Variants in RBMS1 observed in about 807,000 individuals in gnomAD.
RBMS1 encodes RNA-binding motif, single-stranded-interacting protein 1.
Under a neutral mutation model 62.3 loss-of-function variants are expected in RBMS1, and 17 were observed. That is an observed-to-expected ratio of 0.27 (90% confidence interval 0.19 to 0.41). The LOEUF (loss-of-function observed/expected upper bound fraction) is 0.41. Ranked by LOEUF, RBMS1 falls within the 10% of genes least tolerant of loss-of-function variation. RBMS1 has a pLI of 1.00. For synonymous variants in RBMS1, 172 were observed against 170.0 expected (o/e 1.01, Z -0.09); for missense variants, 334 against 504.5 (o/e 0.66, Z 3.24).
intron 1 of RBMS1, among the ~76,000 whole-genome samples, chr2:160,435,171 A>T (rs1683061369): frequency 6.6e-6 from 1 of 152,186 alleles, no homozygotes; most frequent in African/African-American, 2.4e-5. Context: ...CTACACCTTA[A>T]CTAAATAACC....
At chr2:160,280,724 T>C (rs1010000559) in intron 10 of RBMS1, among the ~76,000 whole-genome samples, 1 of 152,198 alleles carries the variant, frequency 6.6e-6, no homozygotes, top group African/African-American at 2.4e-5. Flanking sequence ...TATGTATTTT[T>C]AAATTTTCAA....
At chr2:160,441,098 A>G (rs75701638) in intron 1 of RBMS1, among the ~76,000 whole-genome samples, 8,507 of 152,250 alleles carry the variant, frequency 0.056, 320 homozygotes, top group Non-Finnish European at 0.085. Context: ...CAGTATCTGG[A>G]TTTCATGTAG....
chr2:160,422,200 T>A (rs1470063928), intron 1 of RBMS1, among the ~76,000 whole-genome samples: 1 of 152,260 alleles, frequency 6.6e-6, no homozygotes, highest in Non-Finnish European at 1.5e-5. Context: ...CTTCTTCTAA[T>A]GCCCACCTTT....
intron 1 of RBMS1, among the ~76,000 whole-genome samples, chr2:160,452,509 AT>A (rs2105320956): frequency 6.6e-6 from 1 of 152,290 alleles, no homozygotes; most frequent in East Asian, 1.9e-4. Context: ...GTTATACTAT[AT>A]TTTTTGTTGT....
chr2:160,366,544 T>C (rs949493270), intron 2 of RBMS1, among the ~76,000 whole-genome samples: 12 of 152,374 alleles, frequency 7.9e-5, no homozygotes, highest in African/African-American at 2.9e-4. Context: ...GTTTTAAAAT[T>C]AGTGCTTTCT....
chr2:160,427,956 T>G (rs929183058), intron 1 of RBMS1, among the ~76,000 whole-genome samples: 5 of 152,176 alleles, frequency 3.3e-5, no homozygotes, highest in Non-Finnish European at 7.3e-5. Flanking sequence ...TCACTTTCAT[T>G]ATTTCAAATC....
chr2:160,465,911 A>G (rs1007871435), intron 1 of RBMS1, among the ~76,000 whole-genome samples: 2 of 138,704 alleles, frequency 1.4e-5, no homozygotes, highest in African/African-American at 2.6e-5. Flanking sequence ...TAGAATTTCA[A>G]TCTTTACATA....
At chr2:160,455,969 C>T (rs1232838873) in intron 1 of RBMS1, among the ~76,000 whole-genome samples, 1 of 151,932 alleles carries the variant, frequency 6.6e-6, no homozygotes, top group African/African-American at 2.4e-5. Flanking sequence ...AGGCGTGAGC[C>T]ACCGCGCCCG....
Position 160,298,313 on chromosome 2 carries a change from A to AG in RBMS1, c.640+2337dup, listed in dbSNP as rs371404283. Among the ~76,000 whole-genome samples the AG allele has an allele frequency of 5.1e-3, 780 of 152,198 alleles. 6 individuals carry two copies. Among genetic ancestry groups the AG allele is most frequent in the African/African-American group, 0.018 (728 of 41,520 alleles). ...GCAGAATTAGATGGGAAGTGAGGTA[A>AG]GGGGGACTAGTGTAGTTCTGGAGAG... On this transcript the variant is annotated intron_variant, in intron 6 of 13. Transcript: ENST00000348849.
chr2:160,288,364 G>A (rs1323163277), intron 6 of RBMS1, among the ~76,000 whole-genome samples: 1 of 152,092 alleles, frequency 6.6e-6, no homozygotes, highest in Non-Finnish European at 1.5e-5. Context: ...TTTATTTCAT[G>A]ATTACCCACC....
intron 1 of RBMS1, among the ~76,000 whole-genome samples, chr2:160,415,289 G>A (rs1696171711): frequency 6.6e-6 from 1 of 152,148 alleles, no homozygotes; most frequent in African/African-American, 2.4e-5. Flanking sequence ...AATTACAGTA[G>A]TAGAGCTGGA....
intron 2 of RBMS1, among the ~76,000 whole-genome samples, chr2:160,326,947 A>C (rs770291894): frequency 3.3e-5 from 5 of 152,214 alleles, no homozygotes; most frequent in Non-Finnish European, 7.3e-5. Context: ...CACTTTTCTG[A>C]ACTGTCCTGG....
At chr2:160,276,211 T>C (rs1036233477) in intron 12 of RBMS1, among the ~76,000 whole-genome samples, 3 of 152,218 alleles carry the variant, frequency 2.0e-5, no homozygotes, top group African/African-American at 7.2e-5. Flanking sequence ...TCAGGTTTTA[T>C]GCTAAAGTAG....
At chr2:160,374,278 CA>C in intron 1 of RBMS1, among the ~76,000 whole-genome samples, 1 of 152,102 alleles carries the variant, frequency 6.6e-6, no homozygotes, top group Non-Finnish European at 1.5e-5. Flanking sequence ...AACAAACAAA[CA>C]AAAACAATAA....
chr2:160,331,362 C>G (rs1216974511), intron 2 of RBMS1, among the ~76,000 whole-genome samples: 1 of 152,168 alleles, frequency 6.6e-6, no homozygotes, highest in Non-Finnish European at 1.5e-5. Flanking sequence ...ATGGCATTCT[C>G]TAGCATTTTC....
chr2:160,363,433 C>T (rs557513834), intron 2 of RBMS1, among the ~76,000 whole-genome samples: 4 of 152,166 alleles, frequency 2.6e-5, no homozygotes, highest in South Asian at 2.1e-4. Context: ...AGGCAAACAG[C>T]GTTTGGACCT....
intron 1 of RBMS1, among the ~76,000 whole-genome samples, chr2:160,402,609 C>T (rs993948650): frequency 6.6e-6 from 1 of 152,174 alleles, no homozygotes; most frequent in African/African-American, 2.4e-5. Context: ...CTAATACATT[C>T]AAGAGCTACA....
intron 1 of RBMS1, among the ~76,000 whole-genome samples, chr2:160,426,290 A>AGAG (rs1682601152): frequency 1.5e-5 from 1 of 66,956 alleles, no homozygotes; most frequent in African/African-American, 5.9e-5. Context: ...AGAAAGAAAG[A>AGAG]AAAGAAAGAA....
chr2:160,472,125 G>A (rs757067088), intron 1 of RBMS1, among the ~76,000 whole-genome samples: 4 of 152,082 alleles, frequency 2.6e-5, no homozygotes, highest in Non-Finnish European at 4.4e-5. Context: ...TGGCTTCAGT[G>A]ACCTAAATTG....
Sources: gnomAD v4.1 joint callset for allele counts (sites outside exome capture counted in the v4.1 genomes callset) on GRCh38, gnomAD v4.1.1 for gene constraint, MANE v1.5 for transcripts, NCBI Gene and HGNC (gene_info 2026-07-23, HGNC 2026-07-21) for gene names.